Variants in COQ8B observed in about 807,000 individuals in gnomAD.
COQ8B encodes the protein atypical kinase COQ8B, mitochondrial.
Under a neutral mutation model 62.0 loss-of-function variants are expected in COQ8B, and 44 were observed. The observed-to-expected ratio is 0.71, with a 90% CI of 0.56 to 0.91. The LOEUF (loss-of-function observed/expected upper bound fraction) is 0.91, where lower values mean the gene tolerates loss of function less well. COQ8B is among the 40% of genes least tolerant of loss of function. COQ8B has a pLI of 0.00. For synonymous variants in COQ8B, 252 were observed against 289.9 expected, an observed-to-expected ratio of 0.87 and a Z score of 1.33; for missense variants, 649 against 731.6, an observed-to-expected ratio of 0.89 and a Z score of 1.30.
Position 40,700,295 on chromosome 19 carries a change from C to T in COQ8B, c.1035+15G>A, listed in dbSNP as rs771470507. The T allele has an allele frequency of 6.2e-7, 1 of 1,612,258 alleles. No individual in the cohort carries two copies. Among genetic ancestry groups the T allele is most frequent in the Non-Finnish European group, 8.5e-7 (1 of 1,178,628 alleles). ...TGGGGCCATGCCCTTCCCACTGTGC[C>T]ACCAGACAGCATACCTGGTTCCGCA... is the stretch of plus-strand genomic sequence containing the variant. On this transcript the variant is annotated intron_variant, in intron 11 of 14. Transcript: ENST00000324464.
intron 12 of COQ8B, 113 bp from the exon 13 acceptor site, chr19:40,696,167 G>GGGAC: frequency 1.7e-6 from 2 of 1,196,060 alleles, no homozygotes; most frequent in Non-Finnish European, 2.5e-6. Flanking sequence ...TCCTGCCAGA[G>GGGAC]TCCCTGCCTG....
chr19:40,700,703 C>T (rs950305022), intron 10 of COQ8B: 1 of 497,016 alleles, frequency 2.0e-6, no homozygotes, highest in East Asian at 3.1e-5. Flanking sequence ...CCAGTCACCA[C>T]TTCCCTACCC....
At chr19:40,697,174 C>T (rs968416638) in intron 12 of COQ8B, among the ~76,000 whole-genome samples, 11 of 151,236 alleles carry the variant, frequency 7.3e-5, no homozygotes, top group Admixed American at 2.0e-4. Context: ...TGCAGTGGCA[C>T]GACCATGGCT....
At position 40,693,001 on chromosome 19, in the gene COQ8B, C is replaced by T; in HGVS notation, c.1246G>A (p.Val416Ile). ...KAAADGDRDCVLQKSRDLKFL... is the reference protein window; with the variant it reads ...KAAADGDRDCILQKSRDLKFL... ...TTGAGGTCCCTGGACTTCTGCAGGA[C>T]ACAGTCTCTGTCTCCATCAGCTGCA... is the stretch of plus-strand genomic sequence containing the variant. Residue 416 changes from valine (V) to isoleucine (I), a missense_variant, in exon 14 of 15, where the codon GTC (valine) becomes ATC (isoleucine). By Grantham distance (29) the Val-to-Ile change is conservative. Coordinates refer to ENST00000324464, the MANE Select transcript of COQ8B (RefSeq NM_024876.4). 1 of 1,614,032 alleles carries T rather than the reference C, an allele frequency of 6.2e-7. No homozygotes were observed.
chr19:40,713,474 G>T (rs908118288), intron 4 of COQ8B, among the ~76,000 whole-genome samples: 1 of 151,884 alleles, frequency 6.6e-6, no homozygotes, highest in African/African-American at 2.4e-5. Context: ...GCTTGAACCC[G>T]GGAGGTGGAG....
intron 13 of COQ8B, among the ~76,000 whole-genome samples, chr19:40,693,485 G>A (rs1386683598): frequency 1.3e-5 from 2 of 152,214 alleles, no homozygotes; most frequent in African/African-American, 4.8e-5. Flanking sequence ...CACAGGGTCT[G>A]GTGCTGAGGA....
chr19:40,695,174 C>T (rs545860589), intron 13 of COQ8B, among the ~76,000 whole-genome samples: 3 of 151,926 alleles, frequency 2.0e-5, no homozygotes, highest in East Asian at 1.9e-4. Flanking sequence ...AAAAATTAGC[C>T]GGGCGTGGTG....
intron 1 of COQ8B, chr19:40,715,005 G>GC: frequency 2.0e-5 from 5 of 256,226 alleles, no homozygotes; most frequent in Non-Finnish European, 2.8e-5. Flanking sequence ...GTGTCCCCCC[G>GC]CCCGATCCCC....
intron 13 of COQ8B, among the ~76,000 whole-genome samples, chr19:40,695,293 G>T (rs1333878642): frequency 7.0e-6 from 1 of 142,970 alleles, no homozygotes; most frequent in Non-Finnish European, 1.5e-5. Context: ...ACTCCAGCCT[G>T]GGCGACAGAG....
intron 14 of COQ8B, 127 bp from the exon 15 acceptor site, chr19:40,692,500 C>A: frequency 1.2e-6 from 1 of 809,734 alleles, no homozygotes; most frequent in African/African-American, 1.7e-5. Flanking sequence ...CCCGACTCCC[C>A]CAAGAGTGAG....
Position 40,696,017 on chromosome 19 carries a change from C to A in COQ8B, c.1181G>T (p.Gly394Val), listed in dbSNP as rs776951694. ...GATGTAATGGTCTGTGAACTCTGTC[C>A]CAAACTCCCGGCTTGCACCAAAGTC... The part of the protein sequence containing the change: ...LLDFGASREF[G>V]TEFTDHYIEV... Residue 394 changes from glycine to valine, a missense_variant, in exon 13 of 15, where the codon GGG becomes GTG. Coordinates refer to ENST00000324464, the MANE Select transcript of COQ8B (RefSeq NM_024876.4). 5.0e-6 allele frequency: 8 copies of A among 1,614,154 alleles called. No individual in the cohort carries two copies. Among genetic ancestry groups the A allele is most frequent in the Non-Finnish European group, 6.8e-6 (8 of 1,180,040 alleles).
chr19:40,697,851 T>TATATAGAGAGAGAGAGAGAGAGAGAGAG (rs1446181673), intron 12 of COQ8B, among the ~76,000 whole-genome samples: 20 of 54,718 alleles, frequency 3.7e-4, no homozygotes, highest in Non-Finnish European at 4.4e-4. Flanking sequence ...TATATATATA[T>TATATAGAGAGAGAGAGAGAGAGAGAGAG]AGAGAGAGAG....
intron 7 of COQ8B, 55 bp from the exon 8 acceptor site, chr19:40,703,910 G>C: frequency 6.4e-7 from 1 of 1,555,862 alleles, no homozygotes; most frequent in African/African-American, 1.3e-5. Context: ...TCCCCAGGCT[G>C]AGTGCTTTAC....
intron 9 of COQ8B, chr19:40,703,254 G>GCAC (rs1168286421): frequency 2.5e-6 from 1 of 403,274 alleles, no homozygotes; most frequent in Non-Finnish European, 4.5e-6. Flanking sequence ...CTGCTCTGCC[G>GCAC]CACCTACAAT....
rs781206157 is a variant in COQ8B at position 40,705,123 on chromosome 19, G to A, written c.549C>T (p.Ala183=). 1.8e-5 allele frequency: 29 copies of A among 1,611,674 alleles called. No individual in the cohort carries two copies. The highest frequency in any genetic ancestry group is 3.4e-5 in the Admixed American group (2 of 59,572). Residue 183 remains alanine (A), a synonymous_variant, in exon 7 of 15, where the codon GCC becomes GCT. Coordinates refer to ENST00000324464, the MANE Select transcript of COQ8B (RefSeq NM_024876.4). ...GCATCTGCCAGCGGGGCATGAAGTC[G>A]GCGCTCTGGCGGACCCGCTCAAAGA... is the stretch of plus-strand genomic sequence containing the variant. The part of the protein sequence containing the change: ...QHIFERVRQS[A]DFMPRWQMLR...
intron 10 of COQ8B, among the ~76,000 whole-genome samples, 161 bp downstream of exon 10, chr19:40,702,439 A>G (rs768345285): frequency 1.3e-5 from 2 of 152,160 alleles, no homozygotes; most frequent in Non-Finnish European, 2.9e-5. Flanking sequence ...AAAGGGGGTA[A>G]GCGAAGTGAT....
intron 5 of COQ8B, among the ~76,000 whole-genome samples, chr19:40,707,051 T>C (rs2082105758): frequency 6.6e-6 from 1 of 152,056 alleles, no homozygotes; most frequent in Non-Finnish European, 1.5e-5. Context: ...GCGGGATCAC[T>C]TGAGTTCATG....
intron 4 of COQ8B, among the ~76,000 whole-genome samples, chr19:40,713,449 G>C (rs2144717934): frequency 6.6e-6 from 1 of 152,164 alleles, no homozygotes; most frequent in Non-Finnish European, 1.5e-5. Flanking sequence ...TTGGGAGTGT[G>C]AGGCAGGAGA....
chr19:40,702,741 G>A, intron 9 of COQ8B, 48 bp from the exon 10 acceptor site: 1 of 1,559,656 alleles, frequency 6.4e-7, no homozygotes, highest in South Asian at 1.1e-5. Context: ...GCGCCCACTG[G>A]TGGATGCCTT....
Sources: gnomAD v4.1 joint callset for allele counts (sites outside exome capture counted in the v4.1 genomes callset) on GRCh38, gnomAD v4.1.1 for gene constraint, MANE v1.5 for transcripts, NCBI Gene and HGNC (gene_info 2026-07-23, HGNC 2026-07-21) for gene names.